GRK5: variants seen among roughly 807,000 people sequenced by gnomAD.
The protein encoded by GRK5 is g protein-coupled receptor kinase GRK5.
GRK5 carries 40 observed loss-of-function variants against 78.4 expected under a neutral mutation model. The observed-to-expected ratio is 0.51, with a 90% CI of 0.40 to 0.66. GRK5 has a LOEUF of 0.66. Among genes scored for constraint, GRK5 ranks in the 30% least tolerant of loss-of-function variants. The pLI is 0.00. For synonymous variants in GRK5, 289 were observed against 296.8 expected (o/e 0.97, Z 0.27); for missense variants, 598 against 759.9 (o/e 0.79, Z 2.50).
rs1452803536 is a variant in GRK5, at chr10:119,207,670, A to AGGGAGGG, written c.-236_-230dup. The AGGGAGGG allele has an allele frequency of 1.6e-5, 4 of 250,136 alleles. No homozygotes were observed. The Admixed American group carries it at 5.8e-4, about 36-fold the overall frequency. 15.5% of individuals were successfully genotyped at this position (250,136 alleles called of 1,614,324 possible). The stretch of plus-strand genomic sequence containing the variant: ...GTGGGGGGTGGGGGGGAGCGTGTTG[A>AGGGAGGG]GGGAGGGGGGAGGGGGGACACAGAG... On this transcript the variant is annotated 5_prime_UTR_variant, in exon 1 of 16. Coordinates refer to ENST00000392870, the MANE Select transcript of GRK5 (RefSeq NM_005308.3).
chr10:119,288,258 G>A (rs4751708), intron 1 of GRK5, among the ~76,000 whole-genome samples: 152,168 of 152,278 alleles, frequency 1, 76,029 homozygotes, highest in Non-Finnish European at 1. Flanking sequence ...ATCAGTACCC[G>A]GCAGGAGTGG....
intron 1 of GRK5, among the ~76,000 whole-genome samples, chr10:119,296,112 C>G (rs906026122): frequency 6.6e-6 from 1 of 152,204 alleles, no homozygotes; most frequent in Non-Finnish European, 1.5e-5. Flanking sequence ...GCAGTGCCAT[C>G]AAGGACCCAG....
chr10:119,394,816 GGTGT>G (rs1175045506), intron 3 of GRK5, among the ~76,000 whole-genome samples: 4 of 147,540 alleles, frequency 2.7e-5, no homozygotes, highest in South Asian at 2.1e-4. Context: ...TGTGTGTGTG[GGTGT>G]GTGTATCTGT....
rs1334161834 is a variant in GRK5 at position 119,378,413 on chromosome 10, TACTC to T, written c.149-2397_149-2394del. On this transcript the variant is annotated intron_variant, in intron 2 of 15. Coordinates refer to ENST00000392870, the MANE Select transcript of GRK5 (RefSeq NM_005308.3). The surrounding 1 kb of genome is among the most constrained non-coding windows in gnomAD (Gnocchi z 4.5). ...GGTTGCTCATCCATGCTGATCCAAA[TACTC>T]ACTCGGGAGAGAATGAAACGTTTTA... Among the ~76,000 whole-genome samples, 12 of 152,280 alleles carry T rather than the reference TACTC, an allele frequency of 7.9e-5. No individual in the cohort carries two copies. The East Asian group carries it at 2.3e-3, about 29-fold the overall frequency.
intron 1 of GRK5, among the ~76,000 whole-genome samples, chr10:119,245,502 C>T (rs929572479): frequency 1.1e-4 from 17 of 152,056 alleles, no homozygotes; most frequent in Non-Finnish European, 1.6e-4. Context: ...AGGACATTAT[C>T]GTAAGTAAAA....
intron 1 of GRK5, among the ~76,000 whole-genome samples, chr10:119,291,603 T>TCCTCC (rs1849959857): frequency 2.3e-5 from 2 of 87,144 alleles, no homozygotes; most frequent in Non-Finnish European, 4.9e-5. Context: ...CCTCCTCCTC[T>TCCTCC]TCCTCCTCCT....
intron 2 of GRK5, among the ~76,000 whole-genome samples, chr10:119,354,614 T>C (rs1410847761): frequency 6.6e-6 from 1 of 152,024 alleles, no homozygotes; most frequent in African/African-American, 2.4e-5. Flanking sequence ...GTTGCCCAGA[T>C]TGGTCTCAAA....
intron 1 of GRK5, among the ~76,000 whole-genome samples, chr10:119,215,776 CTTCTTGAAA>C (rs1848561445): frequency 6.6e-6 from 1 of 152,072 alleles, no homozygotes; most frequent in Non-Finnish European, 1.5e-5. Flanking sequence ...CCCCATGTTC[CTTCTTGAAA>C]TTCTTAATGT....
chr10:119,416,566 C>T (rs79798141), intron 4 of GRK5, among the ~76,000 whole-genome samples: 15,147 of 149,080 alleles, frequency 0.1, 872 homozygotes, highest in East Asian at 0.24. Context: ...GGCTCCCTCT[C>T]GAATTGATCG....
Position 119,264,828 on chromosome 10 carries a change from G to A in GRK5, c.52+56859G>A, listed in dbSNP as rs1276288565. ...CCACTCCCTTTTCCTCCTGGCCAGG[G>A]TGCCCTGAGTAGCCTTGGCATGACG... On this transcript the variant is annotated intron_variant, in intron 1 of 15. Coordinates refer to ENST00000392870, the MANE Select transcript of GRK5 (RefSeq NM_005308.3). This position sits in a 1 kb window ranked among gnomAD's most constrained non-coding sequence, Gnocchi z 4.1. Among the ~76,000 whole-genome samples, 9 of 152,180 alleles carry A rather than the reference G, an allele frequency of 5.9e-5. No individual in the cohort carries two copies. The highest frequency in any genetic ancestry group is 5.9e-4 in the Admixed American group (9 of 15,270).
chr10:119,309,379 C>T (rs1850324971), intron 1 of GRK5, among the ~76,000 whole-genome samples: 1 of 152,150 alleles, frequency 6.6e-6, no homozygotes, highest in African/African-American at 2.4e-5. Context: ...CAGAGCCGAG[C>T]TCAGTAAGGC....
chr10:119,432,494 A>G (rs1791190551), intron 8 of GRK5, among the ~76,000 whole-genome samples: 1 of 152,236 alleles, frequency 6.6e-6, no homozygotes, highest in African/African-American at 2.4e-5. Context: ...TACACAAGGT[A>G]AAAATTTAAA....
At chr10:119,448,600 G>T (rs1477666923) in intron 13 of GRK5, among the ~76,000 whole-genome samples, 1 of 152,166 alleles carries the variant, frequency 6.6e-6, no homozygotes, top group Non-Finnish European at 1.5e-5. Context: ...GAGATTTGAG[G>T]GTGAAATGAG....
chr10:119,228,296 G>C (rs779187345), intron 1 of GRK5, among the ~76,000 whole-genome samples: 1 of 151,938 alleles, frequency 6.6e-6, no homozygotes, highest in Non-Finnish European at 1.5e-5. Context: ...AGTGAGCCAC[G>C]ATGGTGCCAG....
intron 2 of GRK5, among the ~76,000 whole-genome samples, chr10:119,366,411 T>C (rs60329374): frequency 0.036 from 5,422 of 152,190 alleles, 232 homozygotes; most frequent in African/African-American, 0.096. Flanking sequence ...CAAGGCCAGC[T>C]CTCAGGATAG....
At chr10:119,350,760 C>T (rs990913133) in intron 2 of GRK5, among the ~76,000 whole-genome samples, 3 of 152,304 alleles carry the variant, frequency 2.0e-5, no homozygotes, top group South Asian at 2.1e-4. Flanking sequence ...TTCATGGACA[C>T]GTTTGTGGAA....
At chr10:119,221,367 C>T (rs982875279) in intron 1 of GRK5, among the ~76,000 whole-genome samples, 1 of 152,186 alleles carries the variant, frequency 6.6e-6, no homozygotes, top group Non-Finnish European at 1.5e-5. Flanking sequence ...TGTTTTCAGT[C>T]CACAATATGC....
chr10:119,260,411 C>CTT (rs576259096), intron 1 of GRK5, among the ~76,000 whole-genome samples: 4 of 80,622 alleles, frequency 5.0e-5, no homozygotes, highest in Non-Finnish European at 7.9e-5. Context: ...ATGACATGGT[C>CTT]TTTTTTTTTT....
intron 13 of GRK5, among the ~76,000 whole-genome samples, chr10:119,449,036 AC>A (rs1024437390): frequency 3.3e-5 from 5 of 150,832 alleles, no homozygotes; most frequent in Admixed American, 3.3e-4. Flanking sequence ...CCCGCGGATG[AC>A]CCCTTGCTGG....
Sources: allele counts gnomAD v4.1 joint callset (sites outside exome capture counted in the v4.1 genomes callset), GRCh38; gene constraint gnomAD v4.1.1; non-coding constraint Gnocchi (gnomAD v3.1); transcripts MANE v1.5; gene names NCBI Gene and HGNC (gene_info 2026-07-23, HGNC 2026-07-21).